The following CNBD1 variants were observed in gnomAD, a reference collection of about 807,000 sequenced individuals.
The protein encoded by CNBD1 is cyclic nucleotide binding domain containing 1, also known as cyclic nucleotide-binding domain-containing protein 1.
CNBD1 carries 71 observed loss-of-function variants against 54.4 expected under a neutral mutation model. That is an observed-to-expected ratio of 1.30 (90% CI 1.08 to 1.59). CNBD1 has a LOEUF of 1.59. Ranked by LOEUF, CNBD1 falls within the 40% of genes most tolerant of loss-of-function variation. CNBD1 has a pLI of 0.00. For missense variants in CNBD1, 659 were observed against 518.0 expected (o/e 1.27, Z -2.64); for synonymous variants, 182 against 170.7 (o/e 1.07, Z -0.51).
At chr8:87,364,365 A>G (rs1810592568) in intron 10 of CNBD1, among the ~76,000 whole-genome samples, 1 of 151,882 alleles carries the variant, frequency 6.6e-6, no homozygotes, top group Non-Finnish European at 1.5e-5. Flanking sequence ...TTTATTTTGT[A>G]AGAAGAAGTT....
downstream of CNBD1, among the ~76,000 whole-genome samples, chr8:87,386,651 G>A (rs188186804): frequency 6.6e-6 from 1 of 152,174 alleles, no homozygotes; most frequent in African/African-American, 2.4e-5. Context: ...TGAAAGTGAT[G>A]GGGAGAATGG....
chr8:87,222,177 T>C (rs918302888), intron 5 of CNBD1, among the ~76,000 whole-genome samples: 3 of 152,042 alleles, frequency 2.0e-5, no homozygotes, highest in African/African-American at 7.2e-5. Context: ...TTGACCATCA[T>C]AGAGTTTTAT....
intron 4 of CNBD1, among the ~76,000 whole-genome samples, chr8:87,137,756 A>G (rs1052085315): frequency 5.3e-5 from 8 of 152,184 alleles, no homozygotes; most frequent in Non-Finnish European, 8.8e-5. Flanking sequence ...ATGGGAAAGC[A>G]TATGAACGGG....
At chr8:86,959,711 A>C (rs1440004091) in intron 4 of CNBD1, among the ~76,000 whole-genome samples, 2 of 152,118 alleles carry the variant, frequency 1.3e-5, no homozygotes, top group Non-Finnish European at 2.9e-5. Context: ...AGGTCATTTA[A>C]GGTCTTCTCT....
In CNBD1 at chr8:87,039,594, T is replaced by A. The variant is rs75234576; in HGVS notation, c.431+99840T>A. Among the ~76,000 whole-genome samples the A allele has an allele frequency of 6.7e-3, 1,014 of 152,348 alleles. 13 individuals are homozygous for A. Among genetic ancestry groups the A allele is most frequent in the South Asian group, 0.012 (58 of 4,826 alleles). ...GTGTAGCCACCCAACAGGTTCACCT[T>A]GCCAGCTGCCTAGATAGAGCCAATT... On this transcript the variant is annotated intron_variant, in intron 4 of 10. Transcript: ENST00000518476.
intron 4 of CNBD1, among the ~76,000 whole-genome samples, chr8:87,036,430 T>A (rs1422210803): frequency 6.6e-6 from 1 of 151,722 alleles, no homozygotes; most frequent in Admixed American, 6.6e-5. Flanking sequence ...CCATCTCTAC[T>A]GAAAATACAA....
chr8:87,005,938 A>G (rs1809089281), intron 4 of CNBD1, among the ~76,000 whole-genome samples: 1 of 152,156 alleles, frequency 6.6e-6, no homozygotes, highest in Non-Finnish European at 1.5e-5. Context: ...TGTAAAACTG[A>G]AAGAGGCTGG....
At chr8:86,963,238 G>C (rs1325613619) in intron 4 of CNBD1, among the ~76,000 whole-genome samples, 1 of 152,122 alleles carries the variant, frequency 6.6e-6, no homozygotes, top group African/African-American at 2.4e-5. Flanking sequence ...CACCTGAGCA[G>C]AGCCTAAGCC....
At chr8:87,377,899 G>T (rs1223798111) in intron 10 of CNBD1, among the ~76,000 whole-genome samples, 7 of 151,010 alleles carry the variant, frequency 4.6e-5, no homozygotes, top group African/African-American at 1.7e-4. Context: ...TTCTCTGATG[G>T]CCAGTGATGA....
intron 1 of CNBD1, among the ~76,000 whole-genome samples, chr8:86,885,457 G>A (rs7830781): frequency 0.47 from 71,468 of 151,862 alleles, 17,012 homozygotes; most frequent in East Asian, 0.55. Context: ...ATAGGGTTAA[G>A]TCTTTTCTGC....
At chr8:87,391,157 G>T (rs773682804) in intron 2 of CNBD1, among the ~76,000 whole-genome samples, 1 of 151,950 alleles carries the variant, frequency 6.6e-6, no homozygotes, top group Non-Finnish European at 1.5e-5. Context: ...AGAGATAATT[G>T]GTGCAGCACA....
intron 4 of CNBD1, among the ~76,000 whole-genome samples, chr8:86,953,263 A>C (rs921929131): frequency 6.6e-6 from 1 of 152,188 alleles, no homozygotes; most frequent in Non-Finnish European, 1.5e-5. Context: ...ATTGGGTAGG[A>C]AAAACTTAAT....
At chr8:87,110,501 TGG>T (rs1811640365) in intron 4 of CNBD1, among the ~76,000 whole-genome samples, 1 of 152,194 alleles carries the variant, frequency 6.6e-6, no homozygotes, top group Non-Finnish European at 1.5e-5. Flanking sequence ...TTCTTTGTGA[TGG>T]GTGGCACGGG....
chr8:86,960,003 C>T (rs1401794155), intron 4 of CNBD1, among the ~76,000 whole-genome samples: 4 of 152,138 alleles, frequency 2.6e-5, no homozygotes, highest in Non-Finnish European at 5.9e-5. Context: ...TACCTTTGGT[C>T]TTTGATGATG....
At chr8:87,135,320 TCA>T (rs1459974206) in intron 4 of CNBD1, among the ~76,000 whole-genome samples, 12 of 151,970 alleles carry the variant, frequency 7.9e-5, no homozygotes, top group African/African-American at 2.9e-4. Flanking sequence ...ATTTAACAAA[TCA>T]AATATATACC....
chr8:87,426,933 TTAA>T (rs568869276), intron 2 of CNBD1, among the ~76,000 whole-genome samples: 112 of 152,332 alleles, frequency 7.4e-4, no homozygotes, highest in African/African-American at 2.5e-3. Flanking sequence ...CCTTTCTCAA[TTAA>T]TAATATAAAC....
rs1808673490 is a variant in CNBD1, at chr8:87,285,371, C to G, written c.909+556C>G. Among the ~76,000 whole-genome samples the G allele has an allele frequency of 2.0e-5, 3 of 152,118 alleles. No homozygotes were observed. In the South Asian group the frequency reaches 6.2e-4, roughly 32 times the overall value. On this transcript the variant is annotated intron_variant, in intron 7 of 10. Coordinates refer to ENST00000518476, the MANE Select transcript of CNBD1 (RefSeq NM_173538.3). ...TACTTAAAGTTTAATAATTTATTCT[C>G]TTCTAATCAAATCCAAATTTTTTCT...
intron 5 of CNBD1, among the ~76,000 whole-genome samples, chr8:87,233,466 A>G (rs569585699): frequency 1.3e-5 from 2 of 152,294 alleles, no homozygotes; most frequent in African/African-American, 4.8e-5. Flanking sequence ...TATGTTTAAA[A>G]ATATATATAC....
chr8:87,255,006 A>G (rs992335160), intron 6 of CNBD1, among the ~76,000 whole-genome samples: 2 of 152,120 alleles, frequency 1.3e-5, no homozygotes, highest in African/African-American at 2.4e-5. Context: ...GATTTTTACT[A>G]CCTGATCTTT....
Sources: gnomAD v4.1 joint callset for allele counts (sites outside exome capture counted in the v4.1 genomes callset) on GRCh38, gnomAD v4.1.1 for gene constraint, MANE v1.5 for transcripts, NCBI Gene and HGNC (gene_info 2026-07-23, HGNC 2026-07-21) for gene names.